The following EPHA7 variants were observed in gnomAD, a reference collection of about 807,000 sequenced individuals.
EPHA7 encodes ephrin type-A receptor 7.
Under a neutral mutation model 112.6 loss-of-function variants are expected in EPHA7, and 25 were observed. That is an observed-to-expected ratio of 0.22 (90% CI 0.16 to 0.31). EPHA7 has a LOEUF of 0.31. Among genes scored for constraint, EPHA7 ranks in the 10% least tolerant of loss-of-function variants. The probability of loss-of-function intolerance (pLI) is 1.00; values close to 1 mark genes in which losing one functional copy is unlikely to be tolerated. For missense variants in EPHA7, 962 were observed against 1,212.6 expected, an observed-to-expected ratio of 0.79 and a Z score of 3.07; for synonymous variants, 437 against 406.5, an observed-to-expected ratio of 1.07 and a Z score of -0.90.
At chr6:93,320,466 A>G (rs1436006749) in intron 5 of EPHA7, among the ~76,000 whole-genome samples, 1 of 152,054 alleles carries the variant, frequency 6.6e-6, no homozygotes, top group African/African-American at 2.4e-5. Flanking sequence ...AAAGAATACA[A>G]TCATTAGCAG....
At chr6:93,355,992 T>C (rs1775924374) in intron 5 of EPHA7, among the ~76,000 whole-genome samples, 3 of 152,176 alleles carry the variant, frequency 2.0e-5, no homozygotes, top group Admixed American at 1.3e-4. Flanking sequence ...GTCTATGTAG[T>C]AAAAAATTGG....
intron 5 of EPHA7, among the ~76,000 whole-genome samples, chr6:93,325,256 C>A (rs1774262176): frequency 6.6e-6 from 1 of 151,182 alleles, no homozygotes; most frequent in African/African-American, 2.4e-5. Flanking sequence ...TAAGTGTTTT[C>A]TATATTATAG....
chr6:93,414,183 A>G (rs1416647866), intron 2 of EPHA7, among the ~76,000 whole-genome samples: 1 of 151,946 alleles, frequency 6.6e-6, no homozygotes, highest in East Asian at 1.9e-4. Context: ...CACATAATAT[A>G]AATTTGGAGA....
chr6:93,338,517 C>T (rs1774986016), intron 5 of EPHA7, among the ~76,000 whole-genome samples: 1 of 151,880 alleles, frequency 6.6e-6, no homozygotes, highest in Non-Finnish European at 1.5e-5. Context: ...AATCATGTTT[C>T]TTTTTTGCCC....
intron 5 of EPHA7, among the ~76,000 whole-genome samples, chr6:93,278,106 G>A (rs117549706): frequency 0.017 from 2,635 of 152,018 alleles, 38 homozygotes; most frequent in Non-Finnish European, 0.027. Context: ...TTATCACCAG[G>A]TAATTGGAAA....
At position 93,259,270 on chromosome 6, in the gene EPHA7, T is replaced by TA. The variant is rs1770580519; in HGVS notation, c.1924+83dup. ...ATGCAAAAGTTCTATACTTGAGGGA[T>TA]AATTATTTGCCTGTCATTATGATGT... is the stretch of plus-strand genomic sequence containing the variant. On this transcript the variant is annotated intron_variant, in intron 10 of 16. Transcript: ENST00000369303. 5.8e-6 allele frequency: 9 copies of TA among 1,539,992 alleles called. No homozygotes were observed. In the South Asian group the frequency reaches 1.1e-4, roughly 18 times the overall value.
intron 5 of EPHA7, among the ~76,000 whole-genome samples, chr6:93,297,374 T>C (rs1772725838): frequency 1.3e-5 from 2 of 152,138 alleles, no homozygotes; most frequent in South Asian, 4.1e-4. Context: ...TTTACTTATC[T>C]GCAGGATATT....
chr6:93,249,116 A>G (rs1370581111), intron 14 of EPHA7, among the ~76,000 whole-genome samples: 1 of 152,168 alleles, frequency 6.6e-6, no homozygotes, highest in African/African-American at 2.4e-5. Context: ...AATGGAGGTC[A>G]TATGACAGAA....
intron 14 of EPHA7, among the ~76,000 whole-genome samples, chr6:93,251,171 G>C (rs957645787): frequency 6.6e-5 from 10 of 151,914 alleles, no homozygotes; most frequent in African/African-American, 1.9e-4. Flanking sequence ...TTTTGGCAAA[G>C]TTTTACATAA....
chr6:93,405,163 C>T (rs1464066620), intron 3 of EPHA7, among the ~76,000 whole-genome samples: 1 of 151,758 alleles, frequency 6.6e-6, no homozygotes, highest in African/African-American at 2.4e-5. Flanking sequence ...ACTCTTTTTC[C>T]TATGTATATT....
chr6:93,264,986 AAG>A lies in EPHA7; in HGVS notation c.1634-286_1634-285del, dbSNP rs148906421. Among the ~76,000 whole-genome samples, 119 of 151,828 alleles carry A rather than the reference AAG, an allele frequency of 7.8e-4. 1 individual carries two copies. The East Asian group carries it at 0.022, about 28-fold the overall frequency. The stretch of plus-strand genomic sequence containing the variant: ...GTTGTTGAAAGCTTAGTTATAAATC[AAG>A]AGATAGACACATCTGATCTGCATGT... On this transcript the variant is annotated intron_variant, in intron 7 of 16. Coordinates refer to ENST00000369303, the MANE Select transcript of EPHA7 (RefSeq NM_004440.4).
chr6:93,343,386 TTCAAAG>T (rs1775235328), intron 5 of EPHA7, among the ~76,000 whole-genome samples: 1 of 151,652 alleles, frequency 6.6e-6, no homozygotes, highest in South Asian at 2.1e-4. Flanking sequence ...AATAAAAAAA[TTCAAAG>T]TCAAACACAT....
Position 93,357,002 on chromosome 6 carries a change from C to G in EPHA7, c.1039G>C (p.Val347Leu). ...GCAGGAGGACTCCATTCCAAACTTA[C>G]TGTGGTTTGGTTGATGTTGAAAATG... is the stretch of plus-strand genomic sequence containing the variant. ...NLIFNINQTT[V>L]SLEWSPPADN... is the part of the protein sequence containing the mutation. Residue 347 changes from valine (V) to leucine (L), a missense_variant, in exon 5 of 17, where the codon GTA becomes CTA. Physicochemically the swap from Val to Leu is conservative, Grantham distance 32 (BLOSUM62 1). Transcript: ENST00000369303. 2 of 1,613,950 alleles carry G rather than the reference C, an allele frequency of 1.2e-6. No homozygotes were observed. The highest frequency in any genetic ancestry group is 1.7e-6 in the Non-Finnish European group (2 of 1,179,972).
intron 5 of EPHA7, among the ~76,000 whole-genome samples, chr6:93,350,373 A>C (rs1403404860): frequency 1.3e-5 from 2 of 152,048 alleles, no homozygotes; most frequent in African/African-American, 4.8e-5. Flanking sequence ...CATAAACAAT[A>C]ATTTTGAGGT....
intron 3 of EPHA7, among the ~76,000 whole-genome samples, chr6:93,392,241 G>A (rs1380962225): frequency 6.6e-6 from 1 of 151,906 alleles, no homozygotes; most frequent in Non-Finnish European, 1.5e-5. Flanking sequence ...TTTCCTGACA[G>A]GAAACACAGG....
At chr6:93,246,427 T>C (rs889877488) in intron 15 of EPHA7, among the ~76,000 whole-genome samples, 2 of 152,130 alleles carry the variant, frequency 1.3e-5, no homozygotes, top group African/African-American at 4.8e-5. Flanking sequence ...ATAGATACTA[T>C]GCATATAACA....
rs1302457908 is a variant in EPHA7 at position 93,356,944 on chromosome 6, C to T, written c.1097G>A (p.Arg366Lys). 1.9e-6 allele frequency: 3 copies of T among 1,614,172 alleles called. No homozygotes were observed. The highest frequency in any genetic ancestry group is 2.5e-6 in the Non-Finnish European group (3 of 1,180,016). The change falls in exon 5 of 17, where the codon AGA becomes AAA. Residue 366 changes from arginine (R) to lysine (K), a missense_variant. Around this residue, in one of 3 missense-constraint regions of EPHA7, gnomAD observed 746 missense variants for 889.2 expected, o/e 0.84. Coordinates refer to ENST00000369303, the MANE Select transcript of EPHA7 (RefSeq NM_004440.4). ...DNGGRNDVTY[R>K]ILCKRCSWEQ... ...CCAACTGCACCGCTTACACAATATT[C>T]TGTAGGTCACATCGTTTCTTCCCCC...
rs945077340 is a variant in EPHA7 at position 93,341,779 on chromosome 6, G to C, written c.1324+14938C>G. Among the ~76,000 whole-genome samples the C allele has an allele frequency of 3.3e-5, 5 of 151,908 alleles. No individual in the cohort carries two copies. The East Asian group carries it at 9.7e-4, about 29-fold the overall frequency. On this transcript the variant is annotated intron_variant, in intron 5 of 16. Transcript: ENST00000369303. ...TCCTCTACATACAAAATGACATGCA[G>C]ATTGGTTATACCTAGAAGTGAAAGG...
chr6:93,338,958 T>G (rs1775010126), intron 5 of EPHA7, among the ~76,000 whole-genome samples: 1 of 149,538 alleles, frequency 6.7e-6, no homozygotes, highest in African/African-American at 2.4e-5. Context: ...ATAATCAAAT[T>G]TTATGTTAAA....
Sources: allele counts gnomAD v4.1 joint callset (sites outside exome capture counted in the v4.1 genomes callset), GRCh38; gene constraint gnomAD v4.1.1; regional missense constraint gnomAD v4.1.1; transcripts MANE v1.5; gene names NCBI Gene and HGNC (gene_info 2026-07-23, HGNC 2026-07-21).